Variants in NEGR1 observed in about 807,000 individuals in gnomAD.
NEGR1 encodes IgLON family member 4.
A neutral mutation model predicts 40.9 loss-of-function variants in NEGR1; 10 were observed. The observed-to-expected ratio is 0.24, with a 90% CI of 0.15 to 0.42. The LOEUF (loss-of-function observed/expected upper bound fraction) is 0.42. NEGR1 is among the 10% of genes least tolerant of loss of function. NEGR1 has a pLI of 1.00. For missense variants in NEGR1, 352 were observed against 438.9 expected (o/e 0.80, Z 1.77); for synonymous variants, 185 against 166.8 (o/e 1.11, Z -0.84).
chr1:71,807,302 G>T lies in NEGR1; in HGVS notation c.410-31005C>A, dbSNP rs561588237. ...TAAAGCACTGAAATATGGCTAAAAA[G>T]ACTTACAACTTAAAATGCAAACTTC... On this transcript the variant is annotated intron_variant, in intron 2 of 6. Coordinates refer to ENST00000357731, the MANE Select transcript of NEGR1 (RefSeq NM_173808.3). 1.8e-3 allele frequency among the ~76,000 whole-genome samples: 277 copies of T among 152,132 alleles called. 1 individual carries two copies. Among genetic ancestry groups the T allele is most frequent in the Non-Finnish European group, 3.6e-3 (242 of 67,986 alleles).
chr1:71,830,083 G>A (rs1269964927), intron 2 of NEGR1, among the ~76,000 whole-genome samples: 2 of 151,822 alleles, frequency 1.3e-5, no homozygotes, highest in Non-Finnish European at 2.9e-5. Context: ...TCTTCCACAG[G>A]ACTCTGGGGC....
intron 4 of NEGR1, among the ~76,000 whole-genome samples, chr1:71,648,806 T>G (rs1008322763): frequency 2.0e-5 from 3 of 152,088 alleles, no homozygotes; most frequent in African/African-American, 7.2e-5. Flanking sequence ...AGGCCTGGAT[T>G]TGGAAACTTA....
intron 2 of NEGR1, among the ~76,000 whole-genome samples, chr1:71,843,069 C>G (rs956917074): frequency 5.3e-5 from 8 of 152,134 alleles, no homozygotes; most frequent in Admixed American, 4.6e-4. Context: ...GTAATCATGG[C>G]ATTGCCTCAA....
chr1:71,588,902 G>A (rs576194458), intron 6 of NEGR1, among the ~76,000 whole-genome samples: 1 of 152,238 alleles, frequency 6.6e-6, no homozygotes, highest in East Asian at 1.9e-4. Context: ...CAGCCATTGG[G>A]CCTATTAATC....
chr1:72,228,048 C>G (rs1654247745), intron 1 of NEGR1, among the ~76,000 whole-genome samples: 1 of 152,046 alleles, frequency 6.6e-6, no homozygotes, highest in South Asian at 2.1e-4. Context: ...TAGAAAGATG[C>G]CTTGCACACA....
intron 4 of NEGR1, among the ~76,000 whole-genome samples, chr1:71,659,723 A>T (rs1299002600): frequency 6.6e-6 from 1 of 152,204 alleles, no homozygotes; most frequent in Non-Finnish European, 1.5e-5. Context: ...GCATATGGAA[A>T]AAAGCTAAAT....
intron 2 of NEGR1, among the ~76,000 whole-genome samples, chr1:71,876,146 T>C (rs2101837916): frequency 6.6e-6 from 1 of 152,240 alleles, no homozygotes; most frequent in African/African-American, 2.4e-5. Flanking sequence ...ACATATTAAC[T>C]CTAAAAAACA....
intron 2 of NEGR1, among the ~76,000 whole-genome samples, chr1:71,851,396 C>A (rs977668733): frequency 6.6e-6 from 1 of 152,030 alleles, no homozygotes; most frequent in Admixed American, 6.6e-5. Context: ...AAGAGGTGTG[C>A]TAAAAATGCA....
chr1:71,529,693 G>T (rs190618784), intron 6 of NEGR1, among the ~76,000 whole-genome samples: 46 of 151,108 alleles, frequency 3.0e-4, no homozygotes, highest in Non-Finnish European at 5.6e-4. Context: ...AGCATTTTTA[G>T]CTCGATGGCC....
At chr1:71,619,957 C>A (rs543964078) in intron 4 of NEGR1, among the ~76,000 whole-genome samples, 1 of 152,006 alleles carries the variant, frequency 6.6e-6, no homozygotes, top group Non-Finnish European at 1.5e-5. Flanking sequence ...TCAATGGGAG[C>A]TTTAGTCATG....
intron 1 of NEGR1, among the ~76,000 whole-genome samples, chr1:72,185,359 G>T (rs1273453087): frequency 1.3e-5 from 2 of 151,902 alleles, no homozygotes; most frequent in Admixed American, 1.3e-4. Flanking sequence ...GTGCATAATA[G>T]TTCAACAAAA....
At chr1:72,038,274 T>C (rs1224298436) in intron 1 of NEGR1, among the ~76,000 whole-genome samples, 1 of 152,062 alleles carries the variant, frequency 6.6e-6, no homozygotes, top group African/African-American at 2.4e-5. Flanking sequence ...TACAATGTAG[T>C]ATTTAAAACC....
chr1:71,467,423 A>T (rs1432134984), intron 6 of NEGR1, among the ~76,000 whole-genome samples: 1 of 152,110 alleles, frequency 6.6e-6, no homozygotes, highest in Non-Finnish European at 1.5e-5. Flanking sequence ...GTCAAATTTC[A>T]ATAATGCTTT....
chr1:71,522,848 G>A (rs1475172470), intron 6 of NEGR1, among the ~76,000 whole-genome samples: 2 of 151,566 alleles, frequency 1.3e-5, no homozygotes, highest in Non-Finnish European at 2.9e-5. Flanking sequence ...ATGCCCTGTT[G>A]AGCCAGATAC....
chr1:71,507,287 T>G (rs1647042005), intron 6 of NEGR1, among the ~76,000 whole-genome samples: 1 of 152,128 alleles, frequency 6.6e-6, no homozygotes, highest in Non-Finnish European at 1.5e-5. Flanking sequence ...ACCAGAGATG[T>G]GAAGGAAGAA....
chr1:72,151,038 C>T (rs1448012339), intron 1 of NEGR1, among the ~76,000 whole-genome samples: 1 of 151,708 alleles, frequency 6.6e-6, no homozygotes, highest in African/African-American at 2.4e-5. Flanking sequence ...AAAATAACAG[C>T]CAAAGCCATC....
At chr1:72,137,784 G>A (rs961083429) in intron 1 of NEGR1, among the ~76,000 whole-genome samples, 1 of 152,020 alleles carries the variant, frequency 6.6e-6, no homozygotes, top group Admixed American at 6.6e-5. Context: ...CAAAACTAGT[G>A]ATAGAGAAAC....
chr1:72,071,231 G>A (rs1451125798), intron 1 of NEGR1, among the ~76,000 whole-genome samples: 4 of 151,692 alleles, frequency 2.6e-5, no homozygotes, highest in Non-Finnish European at 5.9e-5. Flanking sequence ...CTAAGATGAA[G>A]AAACAATACA....
chr1:71,521,148 C>G (rs1454183696), intron 6 of NEGR1, among the ~76,000 whole-genome samples: 1 of 151,972 alleles, frequency 6.6e-6, no homozygotes, highest in Non-Finnish European at 1.5e-5. Context: ...TTATGTTTTT[C>G]TCATTCTAAA....
Sources: gnomAD v4.1 joint callset for allele counts (sites outside exome capture counted in the v4.1 genomes callset) on GRCh38, gnomAD v4.1.1 for gene constraint, MANE v1.5 for transcripts, NCBI Gene and HGNC (gene_info 2026-07-23, HGNC 2026-07-21) for gene names.